Variants in TTC21B observed in about 807,000 individuals in gnomAD.
TTC21B encodes tetratricopeptide repeat protein 21B.
In TTC21B, 127 loss-of-function variants were observed where a neutral mutation model predicts 175.1. That is an observed-to-expected ratio of 0.73 (90% CI 0.63 to 0.84). The LOEUF (loss-of-function observed/expected upper bound fraction) is 0.84. Ranked by LOEUF, TTC21B falls within the 40% of genes least tolerant of loss-of-function variation. The pLI is 0.00. For missense variants in TTC21B, 1,561 were observed against 1,558.3 expected, an observed-to-expected ratio of 1.00 and a Z score of -0.03; for synonymous variants, 524 against 524.5, an observed-to-expected ratio of 1.00 and a Z score of 0.01.
chr2:165,934,162 A>T (rs2105350087), intron 6 of TTC21B: 1 of 152,316 alleles, frequency 6.6e-6, no homozygotes, highest in South Asian at 2.1e-4. Flanking sequence ...AATAATGGTC[A>T]TTTTTGGGAA....
chr2:165,931,231 T>C (rs542426303), intron 8 of TTC21B, among the ~76,000 whole-genome samples: 1 of 152,234 alleles, frequency 6.6e-6, no homozygotes, highest in East Asian at 1.9e-4. Flanking sequence ...ACCTTCTTAG[T>C]TTAATGAACT....
chr2:165,876,328 G>T lies in TTC21B; in HGVS notation c.3806-96C>A, dbSNP rs75988164. The T allele has an allele frequency of 0.026, 21,132 of 804,136 alleles. 924 individuals carry two copies. Among genetic ancestry groups the T allele is most frequent in the Admixed American group, 0.13 (6,859 of 54,572 alleles). 49.8% of individuals were successfully genotyped at this position (804,136 alleles called of 1,614,324 possible). A position where few individuals can be genotyped will look rare whatever the true frequency, so the allele number is the denominator to read the frequency against. On this transcript the variant is annotated intron_variant, in intron 27 of 28. Coordinates refer to ENST00000243344, the MANE Select transcript of TTC21B (RefSeq NM_024753.5). ...TCTCTTTGCTTACTCACTAGAGAAT[G>T]GTAAGGGAGGCTGGTGAATGAACAA... is the stretch of plus-strand genomic sequence containing the variant.
intron 12 of TTC21B, among the ~76,000 whole-genome samples, chr2:165,922,016 A>G (rs1686430440): frequency 6.6e-6 from 1 of 151,804 alleles, no homozygotes; most frequent in Admixed American, 6.6e-5. Context: ...CCATTGTATC[A>G]TTCTTACGTA....
At chr2:165,915,492 A>G in intron 14 of TTC21B, 53 bp from the exon 15 acceptor site, 1 of 1,315,186 alleles carries the variant, frequency 7.6e-7, no homozygotes, top group East Asian at 2.3e-5. Flanking sequence ...AACAAATAAC[A>G]CTAGAAAGGG....
chr2:165,914,655 A>ATGTGTGTTGTGTGTGTGTGTGTG (rs1466920048), intron 15 of TTC21B, among the ~76,000 whole-genome samples: 1 of 75,682 alleles, frequency 1.3e-5, no homozygotes, highest in Admixed American at 1.5e-4. Context: ...AGGAAGAGCA[A>ATGTGTGTTGTGTGTGTGTGTGTG]TCTGTGTGTG....
At chr2:165,886,998 T>TTGC (rs371977227) in intron 25 of TTC21B, among the ~76,000 whole-genome samples, 195 of 152,226 alleles carry the variant, frequency 1.3e-3, no homozygotes, top group Admixed American at 2.1e-3. Context: ...CTTTGGAGGG[T>TTGC]TGCTGCTGCC....
Position 165,906,696 on chromosome 2 carries a change from G to A in TTC21B, c.2568+982C>T, listed in dbSNP as rs138494074. Among the ~76,000 whole-genome samples the A allele has an allele frequency of 6.1e-3, 930 of 152,184 alleles. 13 individuals are homozygous for A. The highest frequency in any genetic ancestry group is 0.021 in the African/African-American group (890 of 41,516). On this transcript the variant is annotated intron_variant, in intron 19 of 28. Transcript: ENST00000243344. Reference sequence around the variant, plus strand: ...GCGGTGGCTCACGCCTGTAATCCCAGCACGTTGGAAGGCCGTGGCAGGGGG... The same window carrying A: ...GCGGTGGCTCACGCCTGTAATCCCAACACGTTGGAAGGCCGTGGCAGGGGG...
chr2:165,884,594 C>T (rs1456362747), intron 25 of TTC21B, among the ~76,000 whole-genome samples: 2 of 152,140 alleles, frequency 1.3e-5, no homozygotes, highest in Non-Finnish European at 2.9e-5. Context: ...TAATTCACCA[C>T]TTGGAAAGTA....
At chr2:165,910,600 A>G (rs1261721946) in intron 18 of TTC21B, among the ~76,000 whole-genome samples, 5 of 152,192 alleles carry the variant, frequency 3.3e-5, no homozygotes, top group African/African-American at 1.2e-4. Context: ...ATGGAAAGCA[A>G]ACTAAACATC....
chr2:165,878,777 G>C (rs141073971), intron 27 of TTC21B, among the ~76,000 whole-genome samples: 6,622 of 151,064 alleles, frequency 0.044, 469 homozygotes, highest in African/African-American at 0.15. Context: ...CACCTCTCGG[G>C]TTCAAGCAAT....
At position 165,929,267 on chromosome 2, in the gene TTC21B, CA is replaced by C. The variant is rs1466316147; in HGVS notation, c.1253del (p.Leu418CysfsTer2). 6.2e-7 allele frequency: 1 copy of C among 1,612,658 alleles called. No individual in the cohort carries two copies. Among genetic ancestry groups the C allele is most frequent in the Non-Finnish European group, 8.5e-7 (1 of 1,179,214 alleles). ...AGTGAGTGTCCAGGACATCATTTAACAAATTAATAACTTCTTCTTGTCGTTT... is the reference window on the plus strand; with the variant it reads ...AGTGAGTGTCCAGGACATCATTTAACAATTAATAACTTCTTCTTGTCGTTT... ...KNKRQEEVIN[L>X]LNDVLDTHFS... On this transcript the variant is annotated frameshift_variant, in exon 11 of 29. Transcript: ENST00000243344. LOFTEE classifies it high-confidence loss of function.
At position 165,953,776 on chromosome 2, in the gene TTC21B, C is replaced by T. The variant is rs1344044567; in HGVS notation, c.-71G>A. The T allele has an allele frequency of 6.5e-7, 1 of 1,544,226 alleles. No individual in the cohort carries two copies. Among genetic ancestry groups the T allele is most frequent in the Non-Finnish European group, 8.7e-7 (1 of 1,144,152 alleles). ...GCAGCCTAAAGGAAGACGCAGAATT[C>T]AGCTCCCCTAGCCTCCCGGAGCGCT... On this transcript the variant is annotated 5_prime_UTR_variant, in exon 1 of 29. Transcript: ENST00000243344.
intron 6 of TTC21B, among the ~76,000 whole-genome samples, chr2:165,939,373 T>C (rs909032304): frequency 6.6e-6 from 1 of 152,210 alleles, no homozygotes; most frequent in Non-Finnish European, 1.5e-5. Context: ...AAAGGTGACT[T>C]TCTATGCAAT....
intron 15 of TTC21B, among the ~76,000 whole-genome samples, chr2:165,914,682 T>TGTGTGTGTGTGCGCGCGCGCGC (rs1553511393): frequency 2.7e-5 from 4 of 149,844 alleles, no homozygotes; most frequent in African/African-American, 1.0e-4. Context: ...TGTGTGTGTG[T>TGTGTGTGTGTGCGCGCGCGCGC]GTGTGTGTGT....
chr2:165,876,523 CTCATT>C (rs924439370), intron 27 of TTC21B, among the ~76,000 whole-genome samples: 21 of 152,284 alleles, frequency 1.4e-4, no homozygotes, highest in Admixed American at 2.6e-4. Context: ...CTAGAAAAGT[CTCATT>C]TATTTCAGGT....
intron 7 of TTC21B, among the ~76,000 whole-genome samples, 154 bp downstream of exon 7, chr2:165,932,819 G>C (rs2105348441): frequency 6.6e-6 from 1 of 152,046 alleles, no homozygotes; most frequent in South Asian, 2.1e-4. Flanking sequence ...CTTTGTTAAG[G>C]TATACTCTAG....
Position 165,929,703 on chromosome 2 carries a change from C to G in TTC21B, c.1132G>C (p.Asp378His). The change falls in exon 10 of 29, where the codon GAT (aspartate) becomes CAT (histidine). Residue 378 changes from aspartate (D) to histidine (H), a missense_variant. Transcript: ENST00000243344. The stretch of plus-strand genomic sequence containing the variant: ...TCATTTAAAAATTCTAGCTGCTGAT[C>G]TGCATCCTGTAATTGCCCTTCTATC... ...QLIEGQLQDA[D>H]QQLEFLNEIQ... 1 of 1,612,858 alleles carries G rather than the reference C, an allele frequency of 6.2e-7. No homozygotes were observed. The highest frequency in any genetic ancestry group is 1.1e-5 in the South Asian group (1 of 91,064).
intron 6 of TTC21B, chr2:165,934,154 T>C (rs1687018727): frequency 6.6e-6 from 1 of 152,164 alleles, no homozygotes; most frequent in Non-Finnish European, 1.5e-5. Context: ...CCTGATATAA[T>C]AATGGTCATT....
chr2:165,929,280 T>A lies in TTC21B; in HGVS notation c.1241A>T (p.Glu414Val), dbSNP rs1686795311. Residue 414 changes from glutamate to valine, a missense_variant, in exon 11 of 29, where the codon GAA becomes GTA. Physicochemically the swap from Glu to Val is moderately radical, Grantham distance 121. Coordinates refer to ENST00000243344, the MANE Select transcript of TTC21B (RefSeq NM_024753.5). ...LAMKKNKRQE[E>V]VINLLNDVLD... Reference sequence around the variant, plus strand: ...GACATCATTTAACAAATTAATAACTTCTTCTTGTCGTTTATTTTTCTTCAT... The same window carrying A: ...GACATCATTTAACAAATTAATAACTACTTCTTGTCGTTTATTTTTCTTCAT... 6.2e-7 allele frequency: 1 copy of A among 1,612,524 alleles called. No homozygotes were observed. The highest frequency in any genetic ancestry group is 8.5e-7 in the Non-Finnish European group (1 of 1,179,114).
Sources: gnomAD v4.1 joint callset for allele counts (sites outside exome capture counted in the v4.1 genomes callset) on GRCh38, gnomAD v4.1.1 for gene constraint, MANE v1.5 for transcripts, NCBI Gene and HGNC (gene_info 2026-07-23, HGNC 2026-07-21) for gene names.